Variants in MECOM observed in about 807,000 individuals in gnomAD.
MECOM encodes MDS1 and EVI1 complex locus.
MECOM carries 13 observed loss-of-function variants against 116.3 expected under a neutral mutation model. The ratio of observed to expected loss-of-function variants is 0.11; its 90% CI spans 0.07 to 0.18. The LOEUF (loss-of-function observed/expected upper bound fraction) is 0.18, where lower values mean the gene tolerates loss of function less well. Among genes scored for constraint, MECOM ranks in the 10% least tolerant of loss-of-function variants. The probability of loss-of-function intolerance (pLI) is 1.00; values close to 1 mark genes in which losing one functional copy is unlikely to be tolerated. For missense variants in MECOM, 1,299 were observed against 1,509.0 expected (o/e 0.86, Z 2.31); for synonymous variants, 528 against 535.2 (o/e 0.99, Z 0.19).
chr3:169,406,114 A>T lies in MECOM; in HGVS notation c.38-24590T>A, dbSNP rs150660189. 3.7e-3 allele frequency among the ~76,000 whole-genome samples: 568 copies of T among 152,320 alleles called. 2 individuals carry two copies. Among genetic ancestry groups the T allele is most frequent in the African/African-American group, 0.013 (536 of 41,578 alleles). On this transcript the variant is annotated intron_variant, in intron 1 of 16. Coordinates refer to ENST00000651503, the MANE Select transcript of MECOM (RefSeq NM_004991.4). Reference sequence around the variant, plus strand: ...ATACATACACTTTGATTTTTTCCCCAATTAGCCATGTAGCTTTAAAAACCA... The same window carrying T: ...ATACATACACTTTGATTTTTTCCCCTATTAGCCATGTAGCTTTAAAAACCA...
At chr3:169,288,185 A>G (rs1047642925) in intron 2 of MECOM, among the ~76,000 whole-genome samples, 2 of 151,934 alleles carry the variant, frequency 1.3e-5, no homozygotes, top group Non-Finnish European at 2.9e-5. Context: ...CATGTTTTAC[A>G]CTTGGGGGGT....
intron 1 of MECOM, among the ~76,000 whole-genome samples, chr3:169,632,022 C>T (rs1772157803): frequency 6.6e-6 from 1 of 152,062 alleles, no homozygotes; most frequent in Non-Finnish European, 1.5e-5. Context: ...GTACTCAGCA[C>T]CAATTCCATG....
At chr3:169,197,707 C>T (rs1182937590) in intron 2 of MECOM, among the ~76,000 whole-genome samples, 2 of 151,926 alleles carry the variant, frequency 1.3e-5, no homozygotes, top group Non-Finnish European at 2.9e-5. Flanking sequence ...GATGTGCACC[C>T]TCATTTTGTG....
At chr3:169,488,860 G>T (rs1185883295) in intron 1 of MECOM, among the ~76,000 whole-genome samples, 1 of 151,808 alleles carries the variant, frequency 6.6e-6, no homozygotes, top group African/African-American at 2.4e-5. Context: ...TACTAGGAAT[G>T]AAATGGAGTA....
At chr3:169,568,311 A>G (rs1213810686) in intron 1 of MECOM, among the ~76,000 whole-genome samples, 1 of 152,064 alleles carries the variant, frequency 6.6e-6, no homozygotes, top group African/African-American at 2.4e-5. Flanking sequence ...GCAGACACTG[A>G]GCTAGCTGCA....
chr3:169,360,902 C>T (rs537113315), intron 2 of MECOM, among the ~76,000 whole-genome samples: 13 of 151,936 alleles, frequency 8.6e-5, no homozygotes, highest in Non-Finnish European at 1.8e-4. Flanking sequence ...GGAATAAAAG[C>T]ATGCGGATCT....
intron 2 of MECOM, among the ~76,000 whole-genome samples, chr3:169,188,495 G>A (rs907857868): frequency 3.9e-5 from 6 of 151,902 alleles, no homozygotes; most frequent in Admixed American, 2.6e-4. Flanking sequence ...GTAATCCGAG[G>A]GGTAATTACA....
In MECOM at chr3:169,378,501, GAA is replaced by G. The variant is rs1333797649; in HGVS notation, c.375+2684_375+2685del. On this transcript the variant is annotated intron_variant, in intron 2 of 16. Coordinates refer to ENST00000651503, the MANE Select transcript of MECOM (RefSeq NM_004991.4). ...AGAAAGAGAGAGAGAAAGAAAGAAA[GAA>G]AGAAAGAAAGAAAAGAAAGAAAGAA... Among the ~76,000 whole-genome samples the G allele has an allele frequency of 2.9e-4, 8 of 27,688 alleles. 1 individual carries two copies. Among genetic ancestry groups the G allele is most frequent in the African/African-American group, 1.6e-3 (5 of 3,086 alleles). 18.2% of individuals were successfully genotyped at this position (27,688 alleles called of 152,430 possible).
At chr3:169,319,809 GAT>G (rs1336901859) in intron 2 of MECOM, among the ~76,000 whole-genome samples, 1 of 152,222 alleles carries the variant, frequency 6.6e-6, no homozygotes, top group Non-Finnish European at 1.5e-5. Context: ...AACTAAATGA[GAT>G]AAGGTATAAC....
intron 1 of MECOM, among the ~76,000 whole-genome samples, chr3:169,473,226 C>A (rs1199528119): frequency 6.6e-6 from 1 of 152,150 alleles, no homozygotes; most frequent in Non-Finnish European, 1.5e-5. Flanking sequence ...ACTTTTGAAA[C>A]TTCTCTGGTG....
intron 2 of MECOM, among the ~76,000 whole-genome samples, chr3:169,156,346 A>C (rs1346013656): frequency 2.6e-5 from 4 of 152,172 alleles, no homozygotes. Flanking sequence ...TGGAACACCT[A>C]AGGAAAACAA....
intron 1 of MECOM, among the ~76,000 whole-genome samples, chr3:169,614,089 C>CTCTTTTCTTT (rs139037909): frequency 2.1e-5 from 3 of 145,924 alleles, no homozygotes; most frequent in Non-Finnish European, 4.5e-5. Context: ...CTCCTCTCCT[C>CTCTTTTCTTT]TCTTTTCTTT....
At chr3:169,555,740 C>T (rs954194723) in intron 1 of MECOM, among the ~76,000 whole-genome samples, 1 of 152,306 alleles carries the variant, frequency 6.6e-6, no homozygotes, top group East Asian at 1.9e-4. Context: ...AAAACACATC[C>T]TTTAATATGG....
chr3:169,533,086 C>A (rs991359746), intron 1 of MECOM, among the ~76,000 whole-genome samples: 1 of 152,164 alleles, frequency 6.6e-6, no homozygotes, highest in Non-Finnish European at 1.5e-5. Flanking sequence ...TTTGCTGCAG[C>A]CGATGCCACT....
At chr3:169,358,478 A>G (rs1727655842) in intron 2 of MECOM, among the ~76,000 whole-genome samples, 2 of 151,376 alleles carry the variant, frequency 1.3e-5, no homozygotes, top group South Asian at 2.1e-4. Context: ...CAAATACTGT[A>G]TCGAGAGCCA....
intron 8 of MECOM, among the ~76,000 whole-genome samples, chr3:169,114,351 T>C (rs953325927): frequency 6.6e-6 from 1 of 152,198 alleles, no homozygotes; most frequent in African/African-American, 2.4e-5. Flanking sequence ...GTCCTTTCCA[T>C]ACTGACAGTG....
intron 1 of MECOM, among the ~76,000 whole-genome samples, chr3:169,543,446 G>A (rs534921775): frequency 1.2e-4 from 19 of 152,214 alleles, no homozygotes; most frequent in African/African-American, 4.6e-4. Context: ...ATGGTAGTAT[G>A]TGCCTGTAGT....
intron 11 of MECOM, among the ~76,000 whole-genome samples, chr3:169,101,834 C>A (rs1216993486): frequency 6.6e-6 from 1 of 152,120 alleles, no homozygotes; most frequent in Non-Finnish European, 1.5e-5. Flanking sequence ...TGTTTCCAAC[C>A]TCATTTATCA....
chr3:169,234,127 G>A (rs11719636), intron 2 of MECOM, among the ~76,000 whole-genome samples: 12,101 of 151,968 alleles, frequency 0.08, 685 homozygotes, highest in East Asian at 0.31. Flanking sequence ...AGAGAAATAT[G>A]AGACAGATTT....
Sources: gnomAD v4.1 joint callset for allele counts (sites outside exome capture counted in the v4.1 genomes callset) on GRCh38, gnomAD v4.1.1 for gene constraint, MANE v1.5 for transcripts, NCBI Gene and HGNC (gene_info 2026-07-23, HGNC 2026-07-21) for gene names.